The following CAMK4 variants were observed in gnomAD, a reference collection of about 807,000 sequenced individuals.
The protein encoded by CAMK4 is calcium/calmodulin dependent protein kinase IV, also known as calcium/calmodulin-dependent protein kinase type IV.
In CAMK4, 22 loss-of-function variants were observed where a neutral mutation model predicts 44.9. That is an observed-to-expected ratio of 0.49 (90% CI 0.35 to 0.70). The LOEUF (loss-of-function observed/expected upper bound fraction) is 0.70, where lower values mean the gene tolerates loss of function less well. Among genes scored for constraint, CAMK4 ranks in the 30% least tolerant of loss-of-function variants. CAMK4 has a pLI of 0.01. For missense variants in CAMK4, 498 were observed against 586.8 expected (o/e 0.85, Z 1.56); for synonymous variants, 218 against 215.4 (o/e 1.01, Z -0.11).
At chr5:111,267,512 C>T (rs1337344477) in intron 1 of CAMK4, among the ~76,000 whole-genome samples, 3 of 151,740 alleles carry the variant, frequency 2.0e-5, no homozygotes, top group Non-Finnish European at 2.9e-5. Context: ...GTCAGGAGAT[C>T]GAGACCACGG....
At chr5:111,230,793 AT>A (rs1399639621) in intron 1 of CAMK4, among the ~76,000 whole-genome samples, 2 of 151,842 alleles carry the variant, frequency 1.3e-5, no homozygotes, top group Non-Finnish European at 2.9e-5. Flanking sequence ...TTTTGTTAAT[AT>A]TTTTTTTCTT....
chr5:111,367,071 G>C (rs1344737478), intron 2 of CAMK4, among the ~76,000 whole-genome samples: 1 of 151,098 alleles, frequency 6.6e-6, no homozygotes, highest in East Asian at 1.9e-4. Context: ...ATAAATTAGA[G>C]AAGCAAGACT....
intron 1 of CAMK4, among the ~76,000 whole-genome samples, chr5:111,328,246 A>C (rs2112713042): frequency 6.6e-6 from 1 of 151,306 alleles, no homozygotes; most frequent in Admixed American, 6.6e-5. Context: ...CAGTTTTGCC[A>C]GCACCATTTA....
chr5:111,338,835 A>G (rs777241777), intron 1 of CAMK4, among the ~76,000 whole-genome samples: 16 of 151,386 alleles, frequency 1.1e-4, no homozygotes, highest in Non-Finnish European at 2.2e-4. Flanking sequence ...CATTTTTAAT[A>G]CCAGTACTAT....
intron 1 of CAMK4, among the ~76,000 whole-genome samples, chr5:111,289,611 T>C (rs535011022): frequency 8.5e-5 from 13 of 152,218 alleles, no homozygotes; most frequent in Non-Finnish European, 1.8e-4. Flanking sequence ...TTATTCTAGA[T>C]TTTTTCTTGC....
intron 10 of CAMK4, among the ~76,000 whole-genome samples, chr5:111,483,719 A>T (rs1755510519): frequency 6.6e-6 from 1 of 152,238 alleles, no homozygotes; most frequent in African/African-American, 2.4e-5. Context: ...AGTGTTCCGT[A>T]AAACAAATAC....
At chr5:111,261,116 T>A (rs1175405344) in intron 1 of CAMK4, among the ~76,000 whole-genome samples, 1 of 152,200 alleles carries the variant, frequency 6.6e-6, no homozygotes, top group African/African-American at 2.4e-5. Context: ...CACTTTATCC[T>A]TAAAGACACA....
intron 1 of CAMK4, among the ~76,000 whole-genome samples, chr5:111,303,853 G>A (rs1204843302): frequency 1.5e-5 from 2 of 137,592 alleles, no homozygotes; most frequent in Non-Finnish European, 3.0e-5. Context: ...GAGAAAGGTC[G>A]GGTTACCCTC....
chr5:111,293,305 G>C (rs1747350071), intron 1 of CAMK4, among the ~76,000 whole-genome samples: 1 of 152,036 alleles, frequency 6.6e-6, no homozygotes, highest in African/African-American at 2.4e-5. Flanking sequence ...ATGTTGAATA[G>C]GACTCTCTAG....
At chr5:111,326,133 G>C (rs1748879088) in intron 1 of CAMK4, among the ~76,000 whole-genome samples, 1 of 151,952 alleles carries the variant, frequency 6.6e-6, no homozygotes, top group Non-Finnish European at 1.5e-5. Flanking sequence ...CAATAAAATT[G>C]ACAGCAAATA....
In CAMK4 at chr5:111,404,101, A is replaced by G. The variant is rs114201753; in HGVS notation, c.459+9319A>G. On this transcript the variant is annotated intron_variant, in intron 5 of 10. Transcript: ENST00000282356. The stretch of plus-strand genomic sequence containing the variant: ...TGAAGGAGGAGGGGTCGGGGTAGGA[A>G]TTTTATGTTGAATGGGTTGGCTAAG... 4.9e-3 allele frequency among the ~76,000 whole-genome samples: 753 copies of G among 152,266 alleles called. 2 individuals carry two copies. The highest frequency in any genetic ancestry group is 8.4e-3 in the Non-Finnish European group (573 of 68,010).
At chr5:111,331,329 C>A (rs1749160430) in intron 1 of CAMK4, among the ~76,000 whole-genome samples, 1 of 151,632 alleles carries the variant, frequency 6.6e-6, no homozygotes, top group Non-Finnish European at 1.5e-5. Context: ...TAAGTCCCTG[C>A]AAAAGTACTC....
In CAMK4 at chr5:111,490,396, G is replaced by A. The variant is rs1755776034; in HGVS notation, c.*5930G>A. ...GGCCGAGGTTGGCAGATCACCTGAG[G>A]TCAGGAGTTTGAGACCAGCCTGGCC... is the stretch of plus-strand genomic sequence containing the variant. On this transcript the variant is annotated 3_prime_UTR_variant, in exon 11 of 11. Transcript: ENST00000282356. The A allele has an allele frequency of 6.6e-6, 1 of 152,342 alleles. No individual in the cohort carries two copies. The highest frequency in any genetic ancestry group is 2.4e-5 in the African/African-American group (1 of 41,452). 9.4% of individuals were successfully genotyped at this position (152,342 alleles called of 1,614,324 possible).
At chr5:111,287,144 G>T (rs1458992042) in intron 1 of CAMK4, among the ~76,000 whole-genome samples, 1 of 152,086 alleles carries the variant, frequency 6.6e-6, no homozygotes, top group Non-Finnish European at 1.5e-5. Flanking sequence ...ATGTCAAGTA[G>T]TTAGAGTTTC....
intron 1 of CAMK4, among the ~76,000 whole-genome samples, chr5:111,225,637 C>T (rs1246069209): frequency 6.6e-6 from 1 of 152,064 alleles, no homozygotes; most frequent in Non-Finnish European, 1.5e-5. Context: ...TCTCTTTTTG[C>T]TGGAAATAGT....
At chr5:111,292,557 G>A (rs1747318579) in intron 1 of CAMK4, among the ~76,000 whole-genome samples, 2 of 151,994 alleles carry the variant, frequency 1.3e-5, no homozygotes, top group Admixed American at 6.6e-5. Context: ...ATTTTTCTCT[G>A]TTTAATAGCA....
rs147085939 is a variant in CAMK4, at chr5:111,269,692, T to C, written c.161+45048T>C. ...AGCACCTTCTCTCGTCCCTGGGACA[T>C]ATAGAAACCTGTGGACTCCCTGCAG... On this transcript the variant is annotated intron_variant, in intron 1 of 10. Coordinates refer to ENST00000282356, the MANE Select transcript of CAMK4 (RefSeq NM_001744.6). 1.2e-4 allele frequency among the ~76,000 whole-genome samples: 19 copies of C among 152,242 alleles called. 1 individual carries two copies. The East Asian group carries it at 3.3e-3, about 26-fold the overall frequency.
chr5:111,334,657 A>G lies in CAMK4; in HGVS notation c.162-9367A>G, dbSNP rs79637132. ...TCATGTAAGAGTAATGTGATGATATATAGAGTTGCACACATTATATTTTCA... is the reference window on the plus strand; with the variant it reads ...TCATGTAAGAGTAATGTGATGATATGTAGAGTTGCACACATTATATTTTCA... On this transcript the variant is annotated intron_variant, in intron 1 of 10. Coordinates refer to ENST00000282356, the MANE Select transcript of CAMK4 (RefSeq NM_001744.6). Among the ~76,000 whole-genome samples the G allele has an allele frequency of 3.4e-3, 513 of 151,712 alleles. 3 individuals carry two copies. Among genetic ancestry groups the G allele is most frequent in the African/African-American group, 0.012 (498 of 41,480 alleles).
chr5:111,375,043 G>C (rs1359951881), intron 3 of CAMK4, 131 bp downstream of exon 3: 1 of 634,328 alleles, frequency 1.6e-6, no homozygotes, highest in Admixed American at 2.8e-5. Context: ...GCTAGCTCTT[G>C]TCCTCATCTC....
Sources: allele counts gnomAD v4.1 joint callset (sites outside exome capture counted in the v4.1 genomes callset), GRCh38; gene constraint gnomAD v4.1.1; transcripts MANE v1.5; gene names NCBI Gene and HGNC (gene_info 2026-07-23, HGNC 2026-07-21).